CCDC138: variants seen among roughly 807,000 people sequenced by gnomAD.
CCDC138 encodes the protein coiled-coil domain-containing protein 138.
CCDC138 carries 66 observed loss-of-function variants against 82.3 expected under a neutral mutation model. The observed-to-expected ratio is 0.80, with a 90% CI of 0.66 to 0.98. CCDC138 has a LOEUF of 0.98. CCDC138 is among the 50% of genes least tolerant of loss of function. The probability of loss-of-function intolerance (pLI) is 0.00; values close to 1 mark genes in which losing one functional copy is unlikely to be tolerated. For missense variants in CCDC138, 816 were observed against 758.9 expected (o/e 1.08, Z -0.88); for synonymous variants, 297 against 265.4 (o/e 1.12, Z -1.16).
chr2:108,883,996 TG>T (rs1696364941), intron 2 of CCDC138: 1 of 152,252 alleles, frequency 6.6e-6, no homozygotes, highest in Non-Finnish European at 1.5e-5. Context: ...TGGCTCATTC[TG>T]GGCTCAAGCA....
At chr2:108,807,762 C>T (rs1417714870) in intron 7 of CCDC138, among the ~76,000 whole-genome samples, 2 of 152,088 alleles carry the variant, frequency 1.3e-5, no homozygotes, top group East Asian at 1.9e-4. Flanking sequence ...GGATTACAGG[C>T]GCCCACCACC....
chr2:108,821,632 A>G (rs1349963111), intron 10 of CCDC138, among the ~76,000 whole-genome samples: 1 of 152,164 alleles, frequency 6.6e-6, no homozygotes, highest in Non-Finnish European at 1.5e-5. Context: ...ACAGAAAAAA[A>G]TTAACAAAAT....
At chr2:108,825,931 A>G (rs1686511984) in intron 10 of CCDC138, among the ~76,000 whole-genome samples, 1 of 152,170 alleles carries the variant, frequency 6.6e-6, no homozygotes, top group Non-Finnish European at 1.5e-5. Flanking sequence ...AAACATACGG[A>G]TTTAAAATTT....
rs80282931 is a variant in CCDC138 at position 108,828,660 on chromosome 2, A to G, written c.1207-10525A>G. ...GATACCCTCATGCAACAAAATGAGTATGAGCCTTACCTTATACGATATGTA... is the reference window on the plus strand; with the variant it reads ...GATACCCTCATGCAACAAAATGAGTGTGAGCCTTACCTTATACGATATGTA... On this transcript the variant is annotated intron_variant, in intron 10 of 14. Transcript: ENST00000295124. 3.3e-5 allele frequency among the ~76,000 whole-genome samples: 5 copies of G among 152,346 alleles called. No individual in the cohort carries two copies. In the East Asian group the frequency reaches 9.6e-4, roughly 29 times the overall value.
At chr2:108,871,547 A>C (rs1457472800) in intron 13 of CCDC138, among the ~76,000 whole-genome samples, 2 of 152,054 alleles carry the variant, frequency 1.3e-5, no homozygotes, top group African/African-American at 2.4e-5. Context: ...GCAAGACTTT[A>C]GCTCCAAAAA....
At chr2:108,789,598 G>C (rs773638008) in intron 3 of CCDC138, among the ~76,000 whole-genome samples, 1 of 151,998 alleles carries the variant, frequency 6.6e-6, no homozygotes, top group Non-Finnish European at 1.5e-5. Context: ...CCTGAAGAAA[G>C]AAAAAACGAA....
intron 10 of CCDC138, among the ~76,000 whole-genome samples, chr2:108,826,994 TTGA>T (rs1180884175): frequency 1.3e-5 from 2 of 152,238 alleles, no homozygotes; most frequent in Non-Finnish European, 2.9e-5. Flanking sequence ...TTTATTCTTT[TTGA>T]TGATGTCAAA....
chr2:108,839,982 T>C (rs1451550894), intron 11 of CCDC138, among the ~76,000 whole-genome samples: 1 of 152,112 alleles, frequency 6.6e-6, no homozygotes, highest in Non-Finnish European at 1.5e-5. Context: ...CATTACTAAG[T>C]ATAATATTAG....
chr2:108,823,329 C>T (rs552916154), intron 10 of CCDC138, among the ~76,000 whole-genome samples: 192 of 152,272 alleles, frequency 1.3e-3, no homozygotes, highest in African/African-American at 4.4e-3. Context: ...TAGACAAAGA[C>T]GCAATAAAAA....
intron 10 of CCDC138, among the ~76,000 whole-genome samples, chr2:108,827,196 TTAAAA>T (rs1686759912): frequency 1.3e-5 from 2 of 152,236 alleles, no homozygotes; most frequent in South Asian, 4.1e-4. Context: ...TTTCATCACT[TTAAAA>T]TAATAATGTA....
chr2:108,830,200 C>T (rs558503031), intron 10 of CCDC138, among the ~76,000 whole-genome samples: 1 of 152,206 alleles, frequency 6.6e-6, no homozygotes, highest in African/African-American at 2.4e-5. Context: ...CATGCAGTAC[C>T]TAGAATAGTC....
intron 13 of CCDC138, among the ~76,000 whole-genome samples, chr2:108,867,684 A>T (rs1479634674): frequency 1.3e-5 from 2 of 152,304 alleles, no homozygotes; most frequent in East Asian, 3.9e-4. Context: ...TTCAAAGACT[A>T]CCTAAGTCTA....
chr2:108,787,148 T>C (rs1678985193), intron 1 of CCDC138, among the ~76,000 whole-genome samples: 1 of 152,176 alleles, frequency 6.6e-6, no homozygotes, highest in Admixed American at 6.5e-5. Context: ...ATACTGGGCA[T>C]GGTGTGGTGT....
chr2:108,846,838 A>G lies in CCDC138; in HGVS notation c.1424A>G (p.Glu475Gly). 1 of 1,613,470 alleles carries G rather than the reference A, an allele frequency of 6.2e-7. No homozygotes were observed. The change falls in exon 12 of 15, where the codon GAG (glutamate) becomes GGG (glycine). Residue 475 changes from glutamate (E) to glycine (G), a missense_variant. Transcript: ENST00000295124. ...IQDNSPQHSV[E>G]NKPKTAAFFK... ...GATAATTCTCCACAGCATTCTGTGGAGAATAAACCAAAGACAGCTGCTTTC... is the reference window on the plus strand; with the variant it reads ...GATAATTCTCCACAGCATTCTGTGGGGAATAAACCAAAGACAGCTGCTTTC...
chr2:108,806,412 C>G (rs556484327), intron 7 of CCDC138, among the ~76,000 whole-genome samples: 1 of 152,170 alleles, frequency 6.6e-6, no homozygotes, highest in African/African-American at 2.4e-5. Flanking sequence ...AATATTTGGA[C>G]CTATTGATAA....
At chr2:108,818,051 A>G (rs1010398739) in intron 10 of CCDC138, among the ~76,000 whole-genome samples, 1 of 152,142 alleles carries the variant, frequency 6.6e-6, no homozygotes, top group Non-Finnish European at 1.5e-5. Flanking sequence ...CATACCTGTA[A>G]TCCTTGCACT....
Position 108,794,678 on chromosome 2 carries a change from G to A in CCDC138, c.533G>A (p.Ser178Asn). 6.2e-7 allele frequency: 1 copy of A among 1,613,948 alleles called. No individual in the cohort carries two copies. Among genetic ancestry groups the A allele is most frequent in the Non-Finnish European group, 8.5e-7 (1 of 1,179,964 alleles). The change falls in exon 5 of 15, where the codon AGT becomes AAT. Residue 178 changes from serine (S) to asparagine (N), a missense_variant. Ser to Asn is a conservative substitution (Grantham distance 46). Transcript: ENST00000295124. ...CGGAGTTTACTTCCACATCAGATCA[G>A]TCAGATATATGACGAATTATTTCAG... ...DKRSLLPHQI[S>N]QIYDELFQIH...
chr2:108,808,658 T>A (rs1035610993), intron 7 of CCDC138, among the ~76,000 whole-genome samples: 1 of 152,200 alleles, frequency 6.6e-6, no homozygotes, highest in Non-Finnish European at 1.5e-5. Context: ...TGTATGCCTT[T>A]GTTTGAGAAA....
intron 4 of CCDC138, among the ~76,000 whole-genome samples, chr2:108,793,562 A>G (rs918777293): frequency 3.3e-5 from 5 of 151,998 alleles, no homozygotes; most frequent in African/African-American, 1.2e-4. Context: ...CAATTTTGCT[A>G]CTACTTATAT....
Sources: allele counts gnomAD v4.1 joint callset (sites outside exome capture counted in the v4.1 genomes callset), GRCh38; gene constraint gnomAD v4.1.1; transcripts MANE v1.5; gene names NCBI Gene and HGNC (gene_info 2026-07-23, HGNC 2026-07-21).